SVIL: variants seen among roughly 807,000 people sequenced by gnomAD.
SVIL encodes the protein archvillin.
In SVIL, 101 loss-of-function variants were observed where a neutral mutation model predicts 240.4. The observed-to-expected ratio is 0.42, with a 90% CI of 0.36 to 0.50. The LOEUF (loss-of-function observed/expected upper bound fraction) is 0.50, where lower values mean the gene tolerates loss of function less well. Ranked by LOEUF, SVIL falls within the 20% of genes least tolerant of loss-of-function variation. The probability of loss-of-function intolerance (pLI) is 0.01; values close to 1 mark genes in which losing one functional copy is unlikely to be tolerated. For synonymous variants in SVIL, 999 were observed against 1,100.0 expected (o/e 0.91, Z 1.82); for missense variants, 2,512 against 2,818.7 (o/e 0.89, Z 2.46).
chr10:29,689,093 T>C (rs563826339), intron 1 of SVIL, among the ~76,000 whole-genome samples: 50 of 152,328 alleles, frequency 3.3e-4, no homozygotes, highest in Middle Eastern at 3.4e-3. Context: ...AACAGTGATA[T>C]AGCTCTTCCC....
At chr10:29,725,124 G>A (rs1024117337) in intron 1 of SVIL, among the ~76,000 whole-genome samples, 1 of 151,522 alleles carries the variant, frequency 6.6e-6, no homozygotes, top group African/African-American at 2.4e-5. Flanking sequence ...ACAGTTCAGG[G>A]TCAGAGGTCC....
In SVIL at chr10:29,532,757, G is replaced by A; in HGVS notation, c.1610C>T (p.Ala537Val). ...DAKPTGHNREASKKRKVRTRS... is the reference protein window; with the variant it reads ...DAKPTGHNREVSKKRKVRTRS... ...GGTACGGACCTTGCGCTTTTTCGAG[G>A]CTTCCCTGTTGTGACCAGTTGGTTT... The change falls in exon 8 of 38, where the codon GCC becomes GTC. Residue 537 changes from alanine (A) to valine (V), a missense_variant. Coordinates refer to ENST00000355867, the MANE Select transcript of SVIL (RefSeq NM_021738.3). 4 of 1,614,162 alleles carry A rather than the reference G, an allele frequency of 2.5e-6. No individual in the cohort carries two copies. Among genetic ancestry groups the A allele is most frequent in the Non-Finnish European group, 3.4e-6 (4 of 1,180,032 alleles).
chr10:29,656,300 C>T (rs1959004281), intron 3 of SVIL, among the ~76,000 whole-genome samples: 1 of 151,796 alleles, frequency 6.6e-6, no homozygotes, highest in Non-Finnish European at 1.5e-5. Flanking sequence ...ACCCGCATAA[C>T]TTGCTATTTC....
intron 17 of SVIL, among the ~76,000 whole-genome samples, chr10:29,505,320 C>T (rs557985196): frequency 3.7e-4 from 56 of 151,776 alleles, no homozygotes; most frequent in African/African-American, 1.3e-3. Context: ...AGTGAAACTC[C>T]ATCTCAAAAA....
chr10:29,566,080 T>C (rs1267074783), intron 2 of SVIL, among the ~76,000 whole-genome samples: 2 of 152,194 alleles, frequency 1.3e-5, no homozygotes, highest in Non-Finnish European at 2.9e-5. Flanking sequence ...AGAATAACTA[T>C]AAGAGCATAC....
chr10:29,574,328 T>C (rs899487934), intron 1 of SVIL, among the ~76,000 whole-genome samples: 7 of 152,118 alleles, frequency 4.6e-5, no homozygotes, highest in African/African-American at 1.7e-4. Flanking sequence ...TAGCATGTCA[T>C]GTAACATGGT....
rs1589106165 is a variant in SVIL, at chr10:29,523,657, T to G, written c.2957A>C (p.Asp986Ala). 2 of 1,614,044 alleles carry G rather than the reference T, an allele frequency of 1.2e-6. No homozygotes were observed. Among genetic ancestry groups the G allele is most frequent in the Non-Finnish European group, 1.7e-6 (2 of 1,179,956 alleles). The change falls in exon 15 of 38, where the codon GAC becomes GCC. Residue 986 changes from aspartate (D) to alanine (A), a missense_variant. Physicochemically the swap from Asp to Ala is moderately radical, Grantham distance 126. Around this residue, in one of 3 missense-constraint regions of SVIL, gnomAD observed 1,443 missense variants for 1,486.6 expected, o/e 0.97. Coordinates refer to ENST00000355867, the MANE Select transcript of SVIL (RefSeq NM_021738.3). ...YPILNRAREGDSHKESKYAVP... is the reference protein window; with the variant it reads ...YPILNRAREGASHKESKYAVP... ...AGCATATTTAGATTCCTTATGGCTG[T>G]CTCCTTCCCTGGCTCGGTTCAGGAT...
At chr10:29,463,112 C>T (rs928226207) in intron 35 of SVIL, among the ~76,000 whole-genome samples, 7 of 152,140 alleles carry the variant, frequency 4.6e-5, no homozygotes, top group Non-Finnish European at 7.3e-5. Flanking sequence ...TCTCCAACAG[C>T]GTGGTAGTGC....
intron 1 of SVIL, among the ~76,000 whole-genome samples, chr10:29,720,634 C>G (rs2132692292): frequency 6.6e-6 from 1 of 152,270 alleles, no homozygotes; most frequent in East Asian, 1.9e-4. Context: ...TACATAAGAG[C>G]TTTCTCCTTA....
chr10:29,504,377 G>T (rs1359036767), intron 17 of SVIL, among the ~76,000 whole-genome samples: 1 of 152,120 alleles, frequency 6.6e-6, no homozygotes, highest in African/African-American at 2.4e-5. Flanking sequence ...TTCTGTAAAA[G>T]ACACTGTTAA....
intron 8 of SVIL, 96 bp downstream of exon 8, chr10:29,532,433 T>A: frequency 6.7e-7 from 1 of 1,487,182 alleles, no homozygotes; most frequent in Non-Finnish European, 8.9e-7. Flanking sequence ...TAAGCTAATA[T>A]GATTCAATGC....
chr10:29,495,074 G>A lies in SVIL; in HGVS notation c.3754+18C>T, dbSNP rs7904048. The A allele has an allele frequency of 0.13, 202,749 of 1,580,536 alleles. 4,488 individuals are homozygous for A. The highest frequency in any genetic ancestry group is 0.24 in the African/African-American group (15,156 of 64,040). On this transcript the variant is annotated intron_variant, in intron 19 of 37. Coordinates refer to ENST00000355867, the MANE Select transcript of SVIL (RefSeq NM_021738.3). ...TGATCAGAAACTGCTTGGCGTGGCC[G>A]GGGCCTTGGCGACTTACCTTCCAGG...
chr10:29,596,488 T>G (rs1045199217), intron 1 of SVIL, among the ~76,000 whole-genome samples: 1 of 151,562 alleles, frequency 6.6e-6, no homozygotes. Context: ...GAAAAAAAAA[T>G]TATTTGCCTT....
intron 1 of SVIL, among the ~76,000 whole-genome samples, chr10:29,694,451 T>C (rs1961766837): frequency 2.0e-5 from 3 of 150,928 alleles, no homozygotes; most frequent in Admixed American, 2.0e-4. Context: ...ATTACAAGCA[T>C]TTCCCAAAAT....
At chr10:29,474,425 C>T (rs1179986897) in intron 29 of SVIL, among the ~76,000 whole-genome samples, 5 of 152,062 alleles carry the variant, frequency 3.3e-5, no homozygotes, top group African/African-American at 1.2e-4. Context: ...AAGACCCCAC[C>T]TCTAAAATAA....
At chr10:29,496,176 TAAAA>T (rs536458428) in intron 18 of SVIL, among the ~76,000 whole-genome samples, 1 of 151,970 alleles carries the variant, frequency 6.6e-6, no homozygotes, top group South Asian at 2.1e-4. Context: ...AAAAATTTAA[TAAAA>T]AAAACCATTA....
intron 1 of SVIL, among the ~76,000 whole-genome samples, chr10:29,724,534 T>C (rs1016395371): frequency 2.0e-5 from 3 of 152,056 alleles, no homozygotes; most frequent in Non-Finnish European, 2.9e-5. Flanking sequence ...GACTATTTTT[T>C]AAAAAATAAT....
rs548930564 is a variant in SVIL, at chr10:29,581,414, T to C, written c.-200-12102A>G. ...CTCTGTGAATTTTGGTTAGTGGTAA[T>C]ATTTTGGACAAGCGTGCAAATAAAA... On this transcript the variant is annotated intron_variant, in intron 1 of 37. Coordinates refer to ENST00000355867, the MANE Select transcript of SVIL (RefSeq NM_021738.3). 2.6e-5 allele frequency among the ~76,000 whole-genome samples: 4 copies of C among 152,180 alleles called. No homozygotes were observed. In the South Asian group the frequency reaches 6.2e-4, roughly 24 times the overall value.
Position 29,468,742 on chromosome 10 carries a change from A to G in SVIL, c.5844-867T>C, listed in dbSNP as rs143507588. On this transcript the variant is annotated intron_variant, in intron 32 of 37. Transcript: ENST00000355867. The stretch of plus-strand genomic sequence containing the variant: ...CTCTTCTACTTTCTAAGGAAAAGCA[A>G]TTCTTACTCATGAATGGAAAAATGC... Among the ~76,000 whole-genome samples, 400 of 152,166 alleles carry G rather than the reference A, an allele frequency of 2.6e-3. 7 individuals carry two copies. The South Asian group carries it at 0.04, about 15-fold the overall frequency.
Sources: gnomAD v4.1 joint callset for allele counts (sites outside exome capture counted in the v4.1 genomes callset) on GRCh38, gnomAD v4.1.1 for gene constraint, gnomAD v4.1.1 regional missense constraint, MANE v1.5 for transcripts, NCBI Gene and HGNC (gene_info 2026-07-23, HGNC 2026-07-21) for gene names.